Variants in CACNA1S observed in about 807,000 individuals in gnomAD.
The protein encoded by CACNA1S is calcium voltage-gated channel subunit alpha1 S, also known as voltage-dependent L-type calcium channel subunit alpha-1S.
CACNA1S carries 126 observed loss-of-function variants against 207.4 expected under a neutral mutation model. The ratio of observed to expected loss-of-function variants is 0.61; its 90% CI spans 0.53 to 0.70. The LOEUF is 0.70. Among genes scored for constraint, CACNA1S ranks in the 30% least tolerant of loss-of-function variants. The probability of loss-of-function intolerance (pLI) is 0.00; values close to 1 mark genes in which losing one functional copy is unlikely to be tolerated. For synonymous variants in CACNA1S, 960 were observed against 932.7 expected, an observed-to-expected ratio of 1.03 and a Z score of -0.53; for missense variants, 2,349 against 2,422.8, an observed-to-expected ratio of 0.97 and a Z score of 0.64.
intron 2 of CACNA1S, among the ~76,000 whole-genome samples, chr1:201,109,561 T>C (rs1322300655): frequency 2.0e-5 from 3 of 152,174 alleles, no homozygotes; most frequent in African/African-American, 7.2e-5. Context: ...TTCTCATCCA[T>C]AAAACAGAAT....
intron 7 of CACNA1S, 105 bp downstream of exon 7, chr1:201,087,721 C>G: frequency 1.3e-6 from 1 of 761,236 alleles, no homozygotes. Context: ...TCTCCACTCG[C>G]CCCCCACCCC....
Position 201,066,573 on chromosome 1 carries a change from C to G in CACNA1S, c.2658-257G>C, listed in dbSNP as rs1483787987. Reference sequence around the variant, plus strand: ...GCCTTCCCCTGTGGGTGGCTAGAAGCTCCGTCCCTCCCGTCAGACGGTGAG... The same window carrying G: ...GCCTTCCCCTGTGGGTGGCTAGAAGGTCCGTCCCTCCCGTCAGACGGTGAG... On this transcript the variant is annotated intron_variant, in intron 20 of 43. Coordinates refer to ENST00000362061, the MANE Select transcript of CACNA1S (RefSeq NM_000069.3). This position sits in a 1 kb window ranked among gnomAD's most constrained non-coding sequence, Gnocchi z 4.3. Among the ~76,000 whole-genome samples, 1 of 152,208 alleles carries G rather than the reference C, an allele frequency of 6.6e-6. No homozygotes were observed.
intron 10 of CACNA1S, 37 bp downstream of exon 10, chr1:201,083,125 T>C (rs368258437): frequency 1.2e-6 from 2 of 1,613,052 alleles, no homozygotes; most frequent in South Asian, 2.2e-5. Flanking sequence ...CACAGCCACA[T>C]GTGCCCTCCT....
chr1:201,103,688 G>A (rs944742016), intron 2 of CACNA1S, among the ~76,000 whole-genome samples: 2 of 152,218 alleles, frequency 1.3e-5, no homozygotes, highest in Non-Finnish European at 2.9e-5. Context: ...GTGCTCTGCA[G>A]GTCCTGGATC....
At chr1:201,041,773 G>A in intron 40 of CACNA1S, 184 bp from the exon 41 acceptor site, 1 of 672,732 alleles carries the variant, frequency 1.5e-6, no homozygotes, top group Non-Finnish European at 2.7e-6. Context: ...TCTCTAGGAG[G>A]AAGGAGTCCA....
At chr1:201,100,439 C>T (rs577897768) in intron 2 of CACNA1S, among the ~76,000 whole-genome samples, 1 of 152,354 alleles carries the variant, frequency 6.6e-6, no homozygotes, top group East Asian at 1.9e-4. Context: ...TGGAAGATGA[C>T]CTGCTGAGGA....
At position 201,053,711 on chromosome 1, in the gene CACNA1S, C is replaced by A; in HGVS notation, c.3667-124G>T. 1.0e-6 allele frequency: 1 copy of A among 1,000,092 alleles called. No individual in the cohort carries two copies. The allele number at this position is 1,000,092 out of a possible 1,614,324, so 62.0% of individuals were successfully genotyped here. Reference sequence around the variant, plus strand: ...GTTTGTGGCATGGAGGAACTCCAGCCCCGCCTCTGGCCCCTGCTGTCCACT... The same window carrying A: ...GTTTGTGGCATGGAGGAACTCCAGCACCGCCTCTGGCCCCTGCTGTCCACT... On this transcript the variant is annotated intron_variant, in intron 29 of 43. Coordinates refer to ENST00000362061, the MANE Select transcript of CACNA1S (RefSeq NM_000069.3). This position sits in a 1 kb window ranked among gnomAD's most constrained non-coding sequence, Gnocchi z 5.1.
At chr1:201,041,736 C>G (rs1449323141) in intron 40 of CACNA1S, 147 bp from the exon 41 acceptor site, 31 of 701,462 alleles carry the variant, frequency 4.4e-5, no homozygotes, top group South Asian at 4.2e-4. Context: ...CTGACGTTTC[C>G]ACCACTGTGC....
chr1:201,092,622 A>C (rs1156533587), intron 3 of CACNA1S, among the ~76,000 whole-genome samples: 2 of 152,186 alleles, frequency 1.3e-5, no homozygotes, highest in East Asian at 3.8e-4. Context: ...TCTACCTCAA[A>C]TTCCTTTGCC....
chr1:201,077,966 A>G lies in CACNA1S; in HGVS notation c.1532T>C (p.Ile511Thr). The change falls in exon 11 of 44, where the codon ATC becomes ACC. Residue 511 changes from isoleucine to threonine, a missense_variant. Physicochemically the swap from Ile to Thr is moderately conservative, Grantham distance 89 (BLOSUM62 -1). Transcript: ENST00000362061. ...CFVVCSGILE[I>T]LLVESGAMTP... ...CATGGCACCCGACTCCACCAGCAGG[A>G]TCTCCAGGATACCGCTACACACCAC... is the stretch of plus-strand genomic sequence containing the variant. 6.2e-7 allele frequency: 1 copy of G among 1,614,178 alleles called. No homozygotes were observed. The highest frequency in any genetic ancestry group is 1.1e-5 in the South Asian group (1 of 91,084).
intron 2 of CACNA1S, among the ~76,000 whole-genome samples, chr1:201,103,185 G>A (rs1662741845): frequency 6.7e-6 from 1 of 150,190 alleles, no homozygotes; most frequent in Non-Finnish European, 1.5e-5. Context: ...AGTGGAGGTT[G>A]TAGTGAGGTG....
rs780878275 is a variant in CACNA1S at position 201,091,841 on chromosome 1, C to T, written c.542-49G>A. ...AAAAGAGGAGTCGCCTCTGCTTGGTCTCTTGGCCCTCCCTCCCTATAAATC... is the reference window on the plus strand; with the variant it reads ...AAAAGAGGAGTCGCCTCTGCTTGGTTTCTTGGCCCTCCCTCCCTATAAATC... On this transcript the variant is annotated intron_variant, in intron 4 of 43. Transcript: ENST00000362061. 3.8e-6 allele frequency: 6 copies of T among 1,596,454 alleles called. No individual in the cohort carries two copies. The African/African-American group carries it at 8.1e-5, about 21-fold the overall frequency.
At chr1:201,063,860 T>C (rs1320590496) in intron 22 of CACNA1S, among the ~76,000 whole-genome samples, 6 of 151,986 alleles carry the variant, frequency 3.9e-5, no homozygotes, top group African/African-American at 1.5e-4. Flanking sequence ...CTGGGCAGGG[T>C]CTGGGCACTT....
At chr1:201,082,971 T>A (rs1036068085) in intron 10 of CACNA1S, among the ~76,000 whole-genome samples, 191 bp downstream of exon 10, 7 of 152,142 alleles carry the variant, frequency 4.6e-5, no homozygotes, top group African/African-American at 1.7e-4. Context: ...CCACTTGAGG[T>A]CTCCGTTTTA....
rs1171035536 is a variant in CACNA1S, at chr1:201,059,189, C to A, written c.3525G>T (p.Arg1175Ser). The part of the protein sequence containing the change: ...MILKLMAFKA[R>S]GYFGDPWNVF... ...CTGGCCCGGTGGCCCCCACACTCACCCTGGCCTTGAAGGCCATGAGCTTGA... is the reference window on the plus strand; with the variant it reads ...CTGGCCCGGTGGCCCCCACACTCACACTGGCCTTGAAGGCCATGAGCTTGA... The change falls in exon 27 of 44, where the codon AGG becomes AGT. Residue 1175 changes from arginine to serine, a missense_variant and splice_region_variant. Coordinates refer to ENST00000362061, the MANE Select transcript of CACNA1S (RefSeq NM_000069.3). 2 of 1,607,278 alleles carry A rather than the reference C, an allele frequency of 1.2e-6. No individual in the cohort carries two copies. Among genetic ancestry groups the A allele is most frequent in the African/African-American group, 2.7e-5 (2 of 74,786 alleles).
Position 201,085,563 on chromosome 1 carries a change from C to T in CACNA1S, c.1023G>A (p.Arg341=). The stretch of plus-strand genomic sequence containing the variant: ...AGGTTCCCCTGGACTTGGCCTTCTC[C>T]CGCTCCTTGGTGAATTCCCTGAAAT... ...GVLSGEFTKE[R]EKAKSRGTFQ... is the part of the protein sequence containing the mutation. The change falls in exon 8 of 44, where the codon CGG becomes CGA. Residue 341 remains arginine, a synonymous_variant. Coordinates refer to ENST00000362061, the MANE Select transcript of CACNA1S (RefSeq NM_000069.3). The T allele has an allele frequency of 6.2e-7, 1 of 1,613,670 alleles. No individual in the cohort carries two copies. The highest frequency in any genetic ancestry group is 8.5e-7 in the Non-Finnish European group (1 of 1,179,948).
At chr1:201,057,845 C>A (rs1660900683) in intron 28 of CACNA1S, among the ~76,000 whole-genome samples, 1 of 152,168 alleles carries the variant, frequency 6.6e-6, no homozygotes, top group African/African-American at 2.4e-5. Flanking sequence ...TCTAATCCTC[C>A]CACTGCCCTG....
At chr1:201,042,075 C>T (rs112491622) in intron 40 of CACNA1S, 136 of 210,630 alleles carry the variant, frequency 6.5e-4, no homozygotes, top group Admixed American at 1.7e-3. Context: ...ATCCATACCC[C>T]CTCTGCACTC....
intron 9 of CACNA1S, among the ~76,000 whole-genome samples, 183 bp downstream of exon 9, chr1:201,084,767 C>T (rs943704811): frequency 1.1e-4 from 16 of 152,148 alleles, no homozygotes; most frequent in African/African-American, 3.4e-4. Flanking sequence ...ACACATTCCC[C>T]GAGGATCTGG....
Sources: allele counts gnomAD v4.1 joint callset (sites outside exome capture counted in the v4.1 genomes callset), GRCh38; gene constraint gnomAD v4.1.1; non-coding constraint Gnocchi (gnomAD v3.1); transcripts MANE v1.5; gene names NCBI Gene and HGNC (gene_info 2026-07-23, HGNC 2026-07-21).